WDFY2: variants seen among roughly 807,000 people sequenced by gnomAD.
The protein encoded by WDFY2 is WD repeat and FYVE domain containing 2.
Under a neutral mutation model 56.4 loss-of-function variants are expected in WDFY2, and 36 were observed. The observed-to-expected ratio is 0.64, with a 90% confidence interval of 0.49 to 0.84. The LOEUF (loss-of-function observed/expected upper bound fraction) is 0.84, where lower values mean the gene tolerates loss of function less well. Ranked by LOEUF, WDFY2 falls within the 40% of genes least tolerant of loss-of-function variation. WDFY2 has a pLI of 0.00. For missense variants in WDFY2, 444 were observed against 512.2 expected (o/e 0.87, Z 1.29); for synonymous variants, 176 against 183.7 (o/e 0.96, Z 0.34).
chr13:51,586,535 A>T (rs560654460), intron 1 of WDFY2: 16 of 152,402 alleles, frequency 1.0e-4, no homozygotes, highest in African/African-American at 3.6e-4. Context: ...GACCATCCTA[A>T]GCTCCTTTAA....
In WDFY2 at chr13:51,758,309, C is replaced by G; in HGVS notation, c.1173+9C>G. The stretch of plus-strand genomic sequence containing the variant: ...CTGACAAGGTTATTAAGGTAAGATG[C>G]CATCTTATTAAGAAGCTTTCCATCT... On this transcript the variant is annotated intron_variant, in intron 11 of 11. Transcript: ENST00000298125. The G allele has an allele frequency of 6.4e-7, 1 of 1,559,252 alleles. No homozygotes were observed. Among genetic ancestry groups the G allele is most frequent in the Non-Finnish European group, 8.8e-7 (1 of 1,136,112 alleles).
At chr13:51,751,913 A>G (rs556501883) in intron 8 of WDFY2, among the ~76,000 whole-genome samples, 2 of 152,350 alleles carry the variant, frequency 1.3e-5, no homozygotes, top group Middle Eastern at 6.8e-3. Flanking sequence ...ACGTATTTAC[A>G]TGTTATCAGA....
At chr13:51,661,749 C>G (rs1955618094) in intron 2 of WDFY2, among the ~76,000 whole-genome samples, 1 of 152,160 alleles carries the variant, frequency 6.6e-6, no homozygotes. Context: ...ACGATAATAA[C>G]CAAGCTGAAC....
At chr13:51,623,830 T>G (rs1566320527) in intron 1 of WDFY2, among the ~76,000 whole-genome samples, 1 of 151,374 alleles carries the variant, frequency 6.6e-6, no homozygotes, top group African/African-American at 2.4e-5. Flanking sequence ...CAACAGGCAG[T>G]TTTTACAGAG....
chr13:51,714,309 G>C (rs1388377115), intron 4 of WDFY2, among the ~76,000 whole-genome samples: 1 of 151,174 alleles, frequency 6.6e-6, no homozygotes, highest in East Asian at 1.9e-4. Context: ...TTTGTTTTTT[G>C]ATAGAGAGTT....
At chr13:51,696,871 A>G (rs1319130633) in intron 3 of WDFY2, among the ~76,000 whole-genome samples, 1 of 152,242 alleles carries the variant, frequency 6.6e-6, no homozygotes, top group Non-Finnish European at 1.5e-5. Flanking sequence ...CAGCATTAAG[A>G]GAATCTACTT....
At chr13:51,602,161 T>C (rs931784270) in intron 1 of WDFY2, among the ~76,000 whole-genome samples, 1 of 152,198 alleles carries the variant, frequency 6.6e-6, no homozygotes, top group Non-Finnish European at 1.5e-5. Context: ...ATGTGTTGCA[T>C]AGCAACATTT....
intron 1 of WDFY2, among the ~76,000 whole-genome samples, chr13:51,595,875 C>G (rs774635997): frequency 1.3e-4 from 20 of 152,158 alleles, no homozygotes; most frequent in Non-Finnish European, 2.5e-4. Flanking sequence ...TTTACCCTTC[C>G]TGATTCCCTC....
At chr13:51,651,988 T>C (rs953817826) in intron 1 of WDFY2, among the ~76,000 whole-genome samples, 1 of 152,236 alleles carries the variant, frequency 6.6e-6, no homozygotes, top group Non-Finnish European at 1.5e-5. Flanking sequence ...CTGTCTAATG[T>C]TGACAGTGTG....
chr13:51,589,484 A>C (rs571608170), intron 1 of WDFY2: 5 of 152,216 alleles, frequency 3.3e-5, no homozygotes, highest in Admixed American at 6.5e-5. Context: ...GTATTGGTTC[A>C]TTTACCATTA....
chr13:51,629,374 G>A (rs1397066537), intron 1 of WDFY2, among the ~76,000 whole-genome samples: 3 of 152,128 alleles, frequency 2.0e-5, no homozygotes, highest in Admixed American at 6.5e-5. Context: ...TTAGTATTAT[G>A]TTTATGAAGC....
At chr13:51,705,163 A>G (rs1593433122) in intron 4 of WDFY2, among the ~76,000 whole-genome samples, 1 of 152,154 alleles carries the variant, frequency 6.6e-6, no homozygotes, top group Non-Finnish European at 1.5e-5. Flanking sequence ...AGGGACTGAC[A>G]CCCTAGTTTA....
At chr13:51,748,760 T>A (rs1166028539) in intron 7 of WDFY2, among the ~76,000 whole-genome samples, 4 of 151,360 alleles carry the variant, frequency 2.6e-5, no homozygotes, top group African/African-American at 9.8e-5. Flanking sequence ...TAGGCATTAA[T>A]CAGTAAAGTA....
At chr13:51,733,577 G>C (rs1370637059) in intron 6 of WDFY2, among the ~76,000 whole-genome samples, 1 of 152,232 alleles carries the variant, frequency 6.6e-6, no homozygotes, top group African/African-American at 2.4e-5. Context: ...TGTGGCAGCA[G>C]TAGGTGGTAG....
At chr13:51,693,891 GGATA>G (rs1951804411) in intron 3 of WDFY2, among the ~76,000 whole-genome samples, 3 of 151,924 alleles carry the variant, frequency 2.0e-5, no homozygotes, top group African/African-American at 7.3e-5. Context: ...TATATATTTA[GGATA>G]GTTAGCTCTT....
intron 8 of WDFY2, among the ~76,000 whole-genome samples, chr13:51,753,382 T>C (rs991938970): frequency 2.1e-4 from 32 of 152,208 alleles, no homozygotes; most frequent in African/African-American, 7.5e-4. Context: ...GAACAGGTGT[T>C]TTATACAGTT....
chr13:51,669,358 A>G (rs1955767998), intron 2 of WDFY2, among the ~76,000 whole-genome samples: 1 of 152,238 alleles, frequency 6.6e-6, no homozygotes, highest in Non-Finnish European at 1.5e-5. Flanking sequence ...CCAAATATCC[A>G]GAATTCAAGG....
At chr13:51,696,908 T>G (rs1464317942) in intron 3 of WDFY2, among the ~76,000 whole-genome samples, 5 of 152,092 alleles carry the variant, frequency 3.3e-5, no homozygotes, top group Non-Finnish European at 7.4e-5. Context: ...AAGCAACAAA[T>G]AGTTCCGTGG....
chr13:51,684,864 C>T (rs962003455), intron 3 of WDFY2, among the ~76,000 whole-genome samples: 5 of 152,138 alleles, frequency 3.3e-5, no homozygotes, highest in Non-Finnish European at 7.3e-5. Flanking sequence ...ATTGGTCAAA[C>T]TGCCTGTTGT....
Sources: gnomAD v4.1 joint callset for allele counts (sites outside exome capture counted in the v4.1 genomes callset) on GRCh38, gnomAD v4.1.1 for gene constraint, MANE v1.5 for transcripts, NCBI Gene and HGNC (gene_info 2026-07-23, HGNC 2026-07-21) for gene names.